BTBD7: variants seen among roughly 807,000 people sequenced by gnomAD.
The protein encoded by BTBD7 is BTB/POZ domain-containing protein 7.
BTBD7 carries 38 observed loss-of-function variants against 99.9 expected under a neutral mutation model. The observed-to-expected ratio is 0.38, with a 90% CI of 0.29 to 0.50. The LOEUF is 0.50. Among genes scored for constraint, BTBD7 ranks in the 20% least tolerant of loss-of-function variants. The pLI, the probability that BTBD7 is intolerant of heterozygous loss-of-function variation, is 0.93. For synonymous variants in BTBD7, 520 were observed against 511.4 expected (o/e 1.02, Z -0.23); for missense variants, 1,170 against 1,394.6 (o/e 0.84, Z 2.57).
intron 1 of BTBD7, among the ~76,000 whole-genome samples, chr14:93,331,017 C>A (rs1249518523): frequency 6.6e-6 from 1 of 152,072 alleles, no homozygotes; most frequent in Non-Finnish European, 1.5e-5. Context: ...CAAGAATGAG[C>A]CATGCTAAAA....
chr14:93,308,241 C>T (rs567849268), intron 1 of BTBD7, among the ~76,000 whole-genome samples: 4 of 148,720 alleles, frequency 2.7e-5, no homozygotes, highest in South Asian at 2.1e-4. Flanking sequence ...GAGCTGAGAT[C>T]GCACCACTGC....
rs2052199854 is a variant in BTBD7, at chr14:93,239,650, C to T, written c.*2623G>A. 4 of 152,536 alleles carry T rather than the reference C, an allele frequency of 2.6e-5. No homozygotes were observed. Among genetic ancestry groups the T allele is most frequent in the Admixed American group, 2.6e-4 (4 of 15,278 alleles). 9.4% of individuals were successfully genotyped at this position (152,536 alleles called of 1,614,324 possible). On this transcript the variant is annotated 3_prime_UTR_variant, in exon 11 of 11. Coordinates refer to ENST00000334746, the MANE Select transcript of BTBD7 (RefSeq NM_001002860.4). Reference sequence around the variant, plus strand: ...CACAAAACCCACGCCTGTTTACCTTCTGCAAGTCGCATCGGTCCGCAATCC... The same window carrying T: ...CACAAAACCCACGCCTGTTTACCTTTTGCAAGTCGCATCGGTCCGCAATCC...
intron 8 of BTBD7, among the ~76,000 whole-genome samples, chr14:93,249,266 CAA>C (rs56893984): frequency 1.4e-3 from 36 of 25,936 alleles, no homozygotes; most frequent in African/African-American, 3.6e-3. Context: ...ACCAGATAGG[CAA>C]AAAAAAAAAA....
At chr14:93,269,010 C>G (rs946019308) in intron 3 of BTBD7, among the ~76,000 whole-genome samples, 13 of 152,102 alleles carry the variant, frequency 8.5e-5, no homozygotes, top group African/African-American at 2.4e-4. Flanking sequence ...CCGCCCGCCT[C>G]GGCCACCCAA....
intron 2 of BTBD7, 131 bp downstream of exon 2, chr14:93,295,839 G>GA (rs2052919338): frequency 4.9e-6 from 4 of 818,082 alleles, no homozygotes; most frequent in Non-Finnish European, 7.5e-6. Flanking sequence ...TTTGTTGGGG[G>GA]AAAAAACCTA....
At chr14:93,249,473 AAC>A (rs2139682187) in intron 8 of BTBD7, among the ~76,000 whole-genome samples, 1 of 152,270 alleles carries the variant, frequency 6.6e-6, no homozygotes, top group South Asian at 2.1e-4. Context: ...CCCTGTGCAC[AAC>A]AGGCAGTCAC....
At chr14:93,300,038 G>A (rs759306970) in intron 1 of BTBD7, among the ~76,000 whole-genome samples, 30 of 152,210 alleles carry the variant, frequency 2.0e-4, no homozygotes, top group Non-Finnish European at 4.0e-4. Context: ...ATTGCTTCAT[G>A]CAATAGAAAG....
At chr14:93,247,328 T>G (rs1448937960) in intron 9 of BTBD7, among the ~76,000 whole-genome samples, 6 of 149,178 alleles carry the variant, frequency 4.0e-5, no homozygotes, top group African/African-American at 1.5e-4. Context: ...GCCTATTCTT[T>G]TTTGTTTGTT....
intron 1 of BTBD7, among the ~76,000 whole-genome samples, chr14:93,319,925 G>A (rs763818072): frequency 5.9e-5 from 9 of 152,032 alleles, no homozygotes; most frequent in African/African-American, 9.7e-5. Flanking sequence ...AGAAAGAAAG[G>A]GGCAAAGATG....
In BTBD7 at chr14:93,242,201, C is replaced by G; in HGVS notation, c.*72G>C. Reference sequence around the variant, plus strand: ...TATCAGCTGGCATTGATGAACTGGTCTGTAAGTTGTTGGGTTACATCATAA... The same window carrying G: ...TATCAGCTGGCATTGATGAACTGGTGTGTAAGTTGTTGGGTTACATCATAA... On this transcript the variant is annotated 3_prime_UTR_variant, in exon 11 of 11. Coordinates refer to ENST00000334746, the MANE Select transcript of BTBD7 (RefSeq NM_001002860.4). 1 of 1,398,724 alleles carries G rather than the reference C, an allele frequency of 7.1e-7. No individual in the cohort carries two copies. The highest frequency in any genetic ancestry group is 9.9e-7 in the Non-Finnish European group (1 of 1,009,920). 86.6% of individuals were successfully genotyped at this position (1,398,724 alleles called of 1,614,324 possible). A position where few individuals can be genotyped will look rare whatever the true frequency, so the allele number is the denominator to read the frequency against.
rs776136550 is a variant in BTBD7 at position 93,295,963 on chromosome 14, A to G, written c.82+7T>C. ...AAGAAAATGAAGTTAGAAAAACTGAAAGTTACCTATAAAAGTCTGTTGGGC... is the reference window on the plus strand; with the variant it reads ...AAGAAAATGAAGTTAGAAAAACTGAGAGTTACCTATAAAAGTCTGTTGGGC... On this transcript the variant is annotated splice_region_variant and intron_variant, in intron 2 of 10. Transcript: ENST00000334746. The G allele has an allele frequency of 2.5e-6, 4 of 1,613,562 alleles. No homozygotes were observed. In the African/African-American group the frequency reaches 5.3e-5, roughly 22 times the overall value.
In BTBD7 at chr14:93,263,821, G is replaced by A; in HGVS notation, c.1335C>T (p.Asp445=). ...CAGACTGGATAGCAGTAAGCAGATG[G>A]TCTTTGCTGAGTTCATAAAAAACAT... The part of the protein sequence containing the change: ...TSDVFYELSK[D]HLLTAIQSDY... Residue 445 remains aspartate, a synonymous_variant, in exon 4 of 11, where the codon GAC becomes GAT. Coordinates refer to ENST00000334746, the MANE Select transcript of BTBD7 (RefSeq NM_001002860.4). 1 of 1,614,142 alleles carries A rather than the reference G, an allele frequency of 6.2e-7. No individual in the cohort carries two copies. Among genetic ancestry groups the A allele is most frequent in the Non-Finnish European group, 8.5e-7 (1 of 1,180,010 alleles).
At chr14:93,318,545 G>C (rs1417684368) in intron 1 of BTBD7, among the ~76,000 whole-genome samples, 1 of 152,142 alleles carries the variant, frequency 6.6e-6, no homozygotes, top group Admixed American at 6.5e-5. Flanking sequence ...TAAAGAAAAG[G>C]ATCTAGAAGA....
chr14:93,283,588 A>C (rs140403262), intron 3 of BTBD7, among the ~76,000 whole-genome samples: 2 of 151,690 alleles, frequency 1.3e-5, no homozygotes, highest in African/African-American at 4.8e-5. Context: ...CTCTCACTCT[A>C]TCACCCAGGC....
intron 5 of BTBD7, among the ~76,000 whole-genome samples, chr14:93,259,732 G>A (rs531091449): frequency 1.3e-5 from 2 of 152,138 alleles, no homozygotes; most frequent in Non-Finnish European, 2.9e-5. Context: ...TCAGGAGTTC[G>A]AGAACAGCCT....
chr14:93,288,789 AGTATCT>A, intron 3 of BTBD7: 1 of 1,559,104 alleles, frequency 6.4e-7, no homozygotes, highest in Non-Finnish European at 8.6e-7. Context: ...CCAAAACATC[AGTATCT>A]GTAAGTGTAT....
chr14:93,270,189 G>T (rs1173836087), intron 3 of BTBD7, among the ~76,000 whole-genome samples: 2 of 152,064 alleles, frequency 1.3e-5, no homozygotes, highest in South Asian at 2.1e-4. Flanking sequence ...TCAGCTATCC[G>T]GGTTCAAGCA....
In BTBD7 at chr14:93,304,845, C is replaced by T. The variant is rs150241074; in HGVS notation, c.-106-8688G>A. On this transcript the variant is annotated intron_variant, in intron 1 of 10. Coordinates refer to ENST00000334746, the MANE Select transcript of BTBD7 (RefSeq NM_001002860.4). ...GGTATACTTCTTATTGATAAGTTACCATGGGTTCCACTAGTAGAGCTGGAG... is the reference window on the plus strand; with the variant it reads ...GGTATACTTCTTATTGATAAGTTACTATGGGTTCCACTAGTAGAGCTGGAG... 3.1e-3 allele frequency among the ~76,000 whole-genome samples: 478 copies of T among 152,288 alleles called. 6 individuals are homozygous for T. Among genetic ancestry groups the T allele is most frequent in the Non-Finnish European group, 3.9e-3 (264 of 68,014 alleles).
intron 4 of BTBD7, among the ~76,000 whole-genome samples, chr14:93,262,133 ATTT>A (rs747240844): frequency 7.1e-6 from 1 of 140,706 alleles, no homozygotes; most frequent in Non-Finnish European, 1.6e-5. Flanking sequence ...CACCCAGCTA[ATTT>A]TTTTTTTTTT....
Sources: allele counts gnomAD v4.1 joint callset (sites outside exome capture counted in the v4.1 genomes callset), GRCh38; gene constraint gnomAD v4.1.1; transcripts MANE v1.5; gene names NCBI Gene and HGNC (gene_info 2026-07-23, HGNC 2026-07-21).